The following KCNQ1 variants were observed in gnomAD, a reference collection of about 807,000 sequenced individuals.
KCNQ1 encodes potassium voltage-gated channel subfamily KQT member 1.
Under a neutral mutation model 72.4 loss-of-function variants are expected in KCNQ1, and 49 were observed. The observed-to-expected ratio is 0.68, with a 90% CI of 0.54 to 0.86. The LOEUF (loss-of-function observed/expected upper bound fraction) is 0.86, where lower values mean the gene tolerates loss of function less well. Among genes scored for constraint, KCNQ1 ranks in the 40% least tolerant of loss-of-function variants. The pLI, the probability that KCNQ1 is intolerant of heterozygous loss-of-function variation, is 0.00. For missense variants in KCNQ1, 790 were observed against 945.1 expected (o/e 0.84, Z 2.15); for synonymous variants, 450 against 412.6 (o/e 1.09, Z -1.10).
intron 10 of KCNQ1, chr11:2,638,366 C>T (rs1462908875): frequency 6.6e-6 from 1 of 152,100 alleles, no homozygotes; most frequent in African/African-American, 2.4e-5. Context: ...GTAGGGCAGG[C>T]CTGGTGGTTA....
intron 15 of KCNQ1, among the ~76,000 whole-genome samples, chr11:2,791,040 C>T (rs987426477): frequency 1.3e-5 from 2 of 152,230 alleles, no homozygotes; most frequent in Non-Finnish European, 2.9e-5. Flanking sequence ...AGTTGCCACC[C>T]TCAAGCCTCT....
rs1846465405 is a variant in KCNQ1, at chr11:2,764,795, T to C, written c.1515-4049T>C. Among the ~76,000 whole-genome samples, 1 of 152,244 alleles carries C rather than the reference T, an allele frequency of 6.6e-6. No homozygotes were observed. The highest frequency in any genetic ancestry group is 1.5e-5 in the Non-Finnish European group (1 of 68,046). On this transcript the variant is annotated intron_variant, in intron 11 of 15. Coordinates refer to ENST00000155840, the MANE Select transcript of KCNQ1 (RefSeq NM_000218.3). This position sits in a 1 kb window ranked among gnomAD's most constrained non-coding sequence, Gnocchi z 4.8. ...AAATCATCAAAAGTATTTTTGTTTG[T>C]AATGTCCTCTGAATAAATGTTTCTG... is the stretch of plus-strand genomic sequence containing the variant.
intron 6 of KCNQ1, among the ~76,000 whole-genome samples, chr11:2,576,037 A>G (rs1478800643): frequency 1.3e-5 from 2 of 152,214 alleles, no homozygotes; most frequent in Non-Finnish European, 2.9e-5. Context: ...TCATGAGGAC[A>G]CTTGCTGTTG....
chr11:2,686,256 C>T (rs1850487800), intron 11 of KCNQ1: 1 of 398,644 alleles, frequency 2.5e-6, no homozygotes. Flanking sequence ...CAGCAAATGT[C>T]TGCCACCCCA....
chr11:2,798,125 G>A (rs1311372508), intron 15 of KCNQ1, among the ~76,000 whole-genome samples: 1 of 135,266 alleles, frequency 7.4e-6, no homozygotes, highest in Admixed American at 7.6e-5. Flanking sequence ...CCCACCCTCA[G>A]TGCCCCCACT....
intron 10 of KCNQ1, chr11:2,640,547 A>C (rs1849556967): frequency 2.6e-6 from 1 of 381,380 alleles, no homozygotes; most frequent in Non-Finnish European, 4.5e-6. Context: ...TGGCCCCCCA[A>C]AGCACTGGGA....
At chr11:2,572,213 G>A in intron 5 of KCNQ1, 104 bp downstream of exon 5, 1 of 819,290 alleles carries the variant, frequency 1.2e-6, no homozygotes, top group Non-Finnish European at 2.0e-6. Context: ...GGCCCCGGGG[G>A]CCGGTGGGTG....
In KCNQ1 at chr11:2,627,632, C is replaced by T; in HGVS notation, c.1394-34329C>T. On this transcript the variant is annotated intron_variant, in intron 10 of 15. Transcript: ENST00000155840. This position sits in a 1 kb window ranked among gnomAD's most constrained non-coding sequence, Gnocchi z 4.9. The stretch of plus-strand genomic sequence containing the variant: ...ATGTTGTCATAAATTGCATGATTTC[C>T]TGCTTTTTAAAGGATGAATATTTCA... 1 of 398,272 alleles carries T rather than the reference C, an allele frequency of 2.5e-6. No individual in the cohort carries two copies. Among genetic ancestry groups the T allele is most frequent in the South Asian group, 1.3e-4 (1 of 7,842 alleles). The allele number at this position is 398,272 out of a possible 1,614,324, so 24.7% of individuals were successfully genotyped here.
intron 2 of KCNQ1, among the ~76,000 whole-genome samples, chr11:2,568,615 G>A (rs1002796938): frequency 1.3e-5 from 2 of 152,344 alleles, no homozygotes; most frequent in African/African-American, 2.4e-5. Context: ...GCCCTAGGCC[G>A]GCTCATTGGA....
rs1846453926 is a variant in KCNQ1, at chr11:2,471,422, G to A, written c.386+25938G>A. ...AACGCCACAGCCTCTGACACTCCACGGCACTAAAGTGTCAAGAGACCCAGG... is the reference window on the plus strand; with the variant it reads ...AACGCCACAGCCTCTGACACTCCACAGCACTAAAGTGTCAAGAGACCCAGG... On this transcript the variant is annotated intron_variant, in intron 1 of 15. Transcript: ENST00000155840. This position sits in a 1 kb window ranked among gnomAD's most constrained non-coding sequence, Gnocchi z 4.8. Among the ~76,000 whole-genome samples the A allele has an allele frequency of 6.6e-6, 1 of 152,104 alleles. No homozygotes were observed. The highest frequency in any genetic ancestry group is 6.5e-5 in the Admixed American group (1 of 15,278).
chr11:2,587,725 T>C (rs773756436), intron 9 of KCNQ1, 33 bp downstream of exon 9: 1 of 1,613,296 alleles, frequency 6.2e-7, no homozygotes, highest in Admixed American at 1.7e-5. Flanking sequence ...GGGCAGGGCC[T>C]TCTTGCTAGC....
Position 2,695,381 on chromosome 11 carries a change from G to C in KCNQ1, c.1514+33300G>C, listed in dbSNP as rs1470768343. ...ACTCCCTAGTACTGCGTGTCTGGGT[G>C]GTGTGTAATTTTAATTTAAATACAC... On this transcript the variant is annotated intron_variant, in intron 11 of 15. Transcript: ENST00000155840. The surrounding 1 kb of genome is among the most constrained non-coding windows in gnomAD (Gnocchi z 5.2). The C allele has an allele frequency of 2.5e-6, 1 of 398,380 alleles. No individual in the cohort carries two copies. Among genetic ancestry groups the C allele is most frequent in the Non-Finnish European group, 4.4e-6 (1 of 226,060 alleles). 24.7% of individuals were successfully genotyped at this position (398,380 alleles called of 1,614,324 possible). A position where few individuals can be genotyped will look rare whatever the true frequency, so the allele number is the denominator to read the frequency against.
chr11:2,587,446 C>T, intron 8 of KCNQ1, 124 bp from the exon 9 acceptor site: 1 of 1,418,448 alleles, frequency 7.0e-7, no homozygotes, highest in Non-Finnish European at 9.7e-7. Flanking sequence ...TCTGAGGTCC[C>T]AGACCCTGCC....
chr11:2,717,818 G>A (rs939293159), intron 11 of KCNQ1, among the ~76,000 whole-genome samples: 7 of 152,192 alleles, frequency 4.6e-5, no homozygotes, highest in African/African-American at 1.7e-4. Context: ...GGGAGCACAC[G>A]CCTGTCCAAG....
intron 10 of KCNQ1, chr11:2,649,222 T>A (rs1849719511): frequency 5.0e-6 from 2 of 398,314 alleles, no homozygotes; most frequent in Admixed American, 4.4e-5. Flanking sequence ...AAGATTGTTA[T>A]CAATAGGTGA....
Position 2,488,151 on chromosome 11 carries a change from A to C in KCNQ1, c.387-39777A>C, listed in dbSNP as rs1161703542. Reference sequence around the variant, plus strand: ...TGAGTGTTATTTCTTCATTCTGTTAATATGCTCTTTTACATGGATTTATTT... The same window carrying C: ...TGAGTGTTATTTCTTCATTCTGTTACTATGCTCTTTTACATGGATTTATTT... On this transcript the variant is annotated intron_variant, in intron 1 of 15. Coordinates refer to ENST00000155840, the MANE Select transcript of KCNQ1 (RefSeq NM_000218.3). This position sits in a 1 kb window ranked among gnomAD's most constrained non-coding sequence, Gnocchi z 5.1. Among the ~76,000 whole-genome samples, 3 of 152,158 alleles carry C rather than the reference A, an allele frequency of 2.0e-5. No homozygotes were observed. The East Asian group carries it at 5.8e-4, about 29-fold the overall frequency.
intron 1 of KCNQ1, among the ~76,000 whole-genome samples, chr11:2,469,360 G>C (rs1429206762): frequency 2.6e-5 from 4 of 151,366 alleles, no homozygotes; most frequent in Non-Finnish European, 5.9e-5. Context: ...TGCAACCTCT[G>C]CCTCCCGGGT....
intron 11 of KCNQ1, chr11:2,688,760 T>C: frequency 2.5e-6 from 1 of 398,842 alleles, no homozygotes. Context: ...CTGTGGCAGT[T>C]TCCACCTATA....
At position 2,526,596 on chromosome 11, in the gene KCNQ1, C is replaced by A. The variant is rs1847511650; in HGVS notation, c.387-1332C>A. Reference sequence around the variant, plus strand: ...GCCAGAGCCCCACCTTCCCCAGAAACCTCCGTGCAGCAGGAGGATGAGCCG... The same window carrying A: ...GCCAGAGCCCCACCTTCCCCAGAAAACTCCGTGCAGCAGGAGGATGAGCCG... On this transcript the variant is annotated intron_variant, in intron 1 of 15. Transcript: ENST00000155840. This position sits in a 1 kb window ranked among gnomAD's most constrained non-coding sequence, Gnocchi z 6.1. Among the ~76,000 whole-genome samples the A allele has an allele frequency of 6.6e-6, 1 of 151,994 alleles. No individual in the cohort carries two copies.
Sources: allele counts gnomAD v4.1 joint callset (sites outside exome capture counted in the v4.1 genomes callset), GRCh38; gene constraint gnomAD v4.1.1; non-coding constraint Gnocchi (gnomAD v3.1); transcripts MANE v1.5; gene names NCBI Gene and HGNC (gene_info 2026-07-23, HGNC 2026-07-21).